The following SGCZ variants were observed in gnomAD, a reference collection of about 807,000 sequenced individuals.
The protein encoded by SGCZ is sarcoglycan zeta.
Under a neutral mutation model 41.3 loss-of-function variants are expected in SGCZ, and 40 were observed. The ratio of observed to expected loss-of-function variants is 0.97; its 90% CI spans 0.75 to 1.26. The LOEUF (loss-of-function observed/expected upper bound fraction) is 1.26. Among genes scored for constraint, SGCZ ranks in the 50% most tolerant of loss-of-function variants. The pLI, the probability that SGCZ is intolerant of heterozygous loss-of-function variation, is 0.00. For missense variants in SGCZ, 552 were observed against 369.8 expected (o/e 1.49, Z -4.04); for synonymous variants, 206 against 137.5 (o/e 1.50, Z -3.49).
chr8:14,419,505 T>A (rs1405353162), intron 2 of SGCZ, among the ~76,000 whole-genome samples: 1 of 151,940 alleles, frequency 6.6e-6, no homozygotes, highest in Non-Finnish European at 1.5e-5. Context: ...CTATGAGTTT[T>A]TTTACTAAGC....
At chr8:15,111,055 G>A (rs146441274) in intron 1 of SGCZ, among the ~76,000 whole-genome samples, 1 of 152,276 alleles carries the variant, frequency 6.6e-6, no homozygotes, top group Non-Finnish European at 1.5e-5. Flanking sequence ...AATATGGTCT[G>A]GAGGCAGAGA....
At chr8:15,122,973 T>C (rs759584498) in intron 1 of SGCZ, among the ~76,000 whole-genome samples, 1 of 152,178 alleles carries the variant, frequency 6.6e-6, no homozygotes, top group African/African-American at 2.4e-5. Flanking sequence ...TAAGTCAAGG[T>C]CTATAGGTAT....
At chr8:14,119,007 CTTTGTTCTT>C (rs1174483970) in intron 5 of SGCZ, among the ~76,000 whole-genome samples, 1 of 152,136 alleles carries the variant, frequency 6.6e-6, no homozygotes, top group African/African-American at 2.4e-5. Context: ...ATCCCTCCAG[CTTTGTTCTT>C]TTTACTTAGG....
intron 1 of SGCZ, among the ~76,000 whole-genome samples, chr8:14,648,546 A>C (rs762961995): frequency 2.6e-5 from 4 of 152,140 alleles, no homozygotes; most frequent in Non-Finnish European, 5.9e-5. Flanking sequence ...ACTGGAATAC[A>C]GCAAAAAATG....
At chr8:14,497,397 GA>G (rs1222667023) in intron 2 of SGCZ, among the ~76,000 whole-genome samples, 1 of 152,106 alleles carries the variant, frequency 6.6e-6, no homozygotes, top group African/African-American at 2.4e-5. Context: ...AATGGAGCAA[GA>G]ACTCACTTAC....
At chr8:14,409,376 T>A (rs1419658484) in intron 2 of SGCZ, among the ~76,000 whole-genome samples, 3 of 152,246 alleles carry the variant, frequency 2.0e-5, no homozygotes, top group South Asian at 4.1e-4. Flanking sequence ...AAATGTAGTT[T>A]GGAGGTAAAT....
chr8:14,551,503 TATATTATATATATTATATATAA>T (rs1803829101), intron 2 of SGCZ, among the ~76,000 whole-genome samples: 1 of 5,232 alleles, frequency 1.9e-4, no homozygotes, highest in African/African-American at 8.9e-4. Flanking sequence ...ATATATTATA[TATATTATATATATTATATATAA>T]TATATATAAT....
intron 2 of SGCZ, among the ~76,000 whole-genome samples, chr8:14,447,367 G>A (rs1412589521): frequency 6.6e-6 from 1 of 152,066 alleles, no homozygotes; most frequent in Non-Finnish European, 1.5e-5. Context: ...ATTTTAATAT[G>A]TTACTTGGGT....
intron 1 of SGCZ, among the ~76,000 whole-genome samples, chr8:15,073,908 G>A (rs931594835): frequency 2.0e-5 from 3 of 152,160 alleles, no homozygotes; most frequent in African/African-American, 4.8e-5. Flanking sequence ...TACATCAACA[G>A]CCTCTGTATG....
intron 2 of SGCZ, among the ~76,000 whole-genome samples, chr8:14,393,967 T>C (rs780371448): frequency 2.0e-5 from 3 of 152,148 alleles, no homozygotes; most frequent in Non-Finnish European, 4.4e-5. Context: ...TTCTCAGCTT[T>C]GTGCTTTGAT....
intron 5 of SGCZ, among the ~76,000 whole-genome samples, chr8:14,128,283 C>T (rs1336479730): frequency 6.6e-6 from 1 of 152,096 alleles, no homozygotes; most frequent in Middle Eastern, 3.2e-3. Context: ...TTCAGCAAAC[C>T]AACAAACCAT....
At chr8:15,028,760 G>A (rs1803549202) in intron 1 of SGCZ, among the ~76,000 whole-genome samples, 1 of 151,958 alleles carries the variant, frequency 6.6e-6, no homozygotes, top group South Asian at 2.1e-4. Flanking sequence ...TTTTATTTAT[G>A]AGGTTAAGAT....
intron 1 of SGCZ, among the ~76,000 whole-genome samples, chr8:15,138,210 G>T (rs1808186191): frequency 6.6e-6 from 1 of 152,178 alleles, no homozygotes; most frequent in South Asian, 2.1e-4. Context: ...ATTTGGAACA[G>T]GTGTGTTTAC....
intron 2 of SGCZ, among the ~76,000 whole-genome samples, chr8:14,462,710 A>G (rs976875753): frequency 1.4e-4 from 22 of 151,876 alleles, no homozygotes; most frequent in Admixed American, 1.2e-3. Flanking sequence ...GGGTCCCAGG[A>G]CATTCTATAT....
intron 1 of SGCZ, among the ~76,000 whole-genome samples, chr8:14,662,529 GTT>G (rs1807787574): frequency 6.6e-6 from 1 of 152,128 alleles, no homozygotes; most frequent in African/African-American, 2.4e-5. Context: ...TAGTAGTAGA[GTT>G]TCAACAGAGT....
intron 1 of SGCZ, among the ~76,000 whole-genome samples, chr8:14,713,695 GA>G (rs34836703): frequency 1.1e-3 from 136 of 127,760 alleles, no homozygotes; most frequent in East Asian, 9.1e-3. Context: ...TGCCGCAAAA[GA>G]AAAAAAAAAA....
intron 2 of SGCZ, among the ~76,000 whole-genome samples, chr8:14,520,426 T>A (rs1802754203): frequency 6.6e-6 from 1 of 152,094 alleles, no homozygotes; most frequent in Non-Finnish European, 1.5e-5. Flanking sequence ...ACATTAAAAT[T>A]TAATTTGGAC....
chr8:14,532,173 T>C (rs879571194), intron 2 of SGCZ, among the ~76,000 whole-genome samples: 1 of 152,046 alleles, frequency 6.6e-6, no homozygotes, highest in African/African-American at 2.4e-5. Flanking sequence ...GCTTGTGTGA[T>C]CAAAGTAAGG....
chr8:14,401,108 A>AG (rs1468108870), intron 2 of SGCZ, among the ~76,000 whole-genome samples: 12 of 152,102 alleles, frequency 7.9e-5, no homozygotes, highest in Admixed American at 5.2e-4. Flanking sequence ...TGCAAGATAC[A>AG]GCTCCATTTA....
Sources: allele counts gnomAD v4.1 joint callset (sites outside exome capture counted in the v4.1 genomes callset), GRCh38; gene constraint gnomAD v4.1.1; transcripts MANE v1.5; gene names NCBI Gene and HGNC (gene_info 2026-07-23, HGNC 2026-07-21).